ABHD2: variants seen among roughly 807,000 people sequenced by gnomAD.
The protein encoded by ABHD2 is monoacylglycerol lipase ABHD2.
A neutral mutation model predicts 48.1 loss-of-function variants in ABHD2; 20 were observed. The observed-to-expected ratio is 0.42, with a 90% CI of 0.29 to 0.60. ABHD2 has a LOEUF of 0.60. Ranked by LOEUF, ABHD2 falls within the 20% of genes least tolerant of loss-of-function variation. The pLI is 0.24. For synonymous variants in ABHD2, 209 were observed against 214.2 expected (o/e 0.98, Z 0.21); for missense variants, 405 against 550.9 (o/e 0.74, Z 2.65).
intron 6 of ABHD2, among the ~76,000 whole-genome samples, chr15:89,183,664 G>A (rs2051158905): frequency 4.3e-5 from 6 of 138,948 alleles, no homozygotes; most frequent in Admixed American, 2.1e-4. Flanking sequence ...AGCAGTGCCT[G>A]TGGTGTTTTC....
At chr15:89,099,652 G>C (rs765528506) in intron 1 of ABHD2, among the ~76,000 whole-genome samples, 7 of 151,368 alleles carry the variant, frequency 4.6e-5, no homozygotes, top group Non-Finnish European at 7.4e-5. Flanking sequence ...GGGTGCAGTA[G>C]CTCATACCTG....
At chr15:89,126,454 A>G (rs7178898) in intron 3 of ABHD2, among the ~76,000 whole-genome samples, 20,076 of 152,160 alleles carry the variant, frequency 0.13, 3,410 homozygotes, top group African/African-American at 0.4. Context: ...TTTTCTAGAA[A>G]GTCTCGAATT....
chr15:89,153,912 A>G (rs922538056), intron 4 of ABHD2, among the ~76,000 whole-genome samples: 1 of 152,228 alleles, frequency 6.6e-6, no homozygotes, highest in African/African-American at 2.4e-5. Flanking sequence ...ACACAATTTT[A>G]ATAATTGCTT....
chr15:89,087,022 A>G (rs1901376454), upstream of ABHD2: 1 of 152,134 alleles, frequency 6.6e-6, no homozygotes, highest in Non-Finnish European at 1.5e-5. This position sits in a 1 kb window ranked among gnomAD's most constrained non-coding sequence, Gnocchi z 5.5. Flanking sequence ...CTGATGTACC[A>G]TGGCTGTGAG....
At chr15:89,044,055 T>C in the ABHD2 span, among the ~76,000 whole-genome samples, 1 of 152,024 alleles carries the variant, frequency 6.6e-6, no homozygotes, top group Non-Finnish European at 1.5e-5. Context: ...CCTCCCCACT[T>C]CCCCCAACCC....
chr15:89,116,477 G>A lies in ABHD2; in HGVS notation c.150G>A (p.Gly50=), dbSNP rs749187761. 13 of 1,614,092 alleles carry A rather than the reference G, an allele frequency of 8.1e-6. No homozygotes were observed. The highest frequency in any genetic ancestry group is 1.1e-5 in the South Asian group (1 of 91,086). ...APPDLYFQDS[G]LSRFLLKSCP... is the part of the protein sequence containing the mutation. ...CTGACCTCTACTTCCAGGACTCGGGGCTCTCACGCTTTCTGCTCAAGTCCT... is the reference window on the plus strand; with the variant it reads ...CTGACCTCTACTTCCAGGACTCGGGACTCTCACGCTTTCTGCTCAAGTCCT... The change falls in exon 3 of 11, where the codon GGG becomes GGA. Residue 50 remains glycine, a synonymous_variant. Coordinates refer to ENST00000352732, the MANE Select transcript of ABHD2 (RefSeq NM_152924.5). This position sits in a 1 kb window ranked among gnomAD's most constrained non-coding sequence, Gnocchi z 4.6.
rs2051191618 is a variant in ABHD2 at position 89,185,489 on chromosome 15, A to G, written c.788A>G (p.Asn263Ser). 6.2e-7 allele frequency: 1 copy of G among 1,614,068 alleles called. No individual in the cohort carries two copies. The highest frequency in any genetic ancestry group is 8.5e-7 in the Non-Finnish European group (1 of 1,179,990). Residue 263 changes from asparagine to serine, a missense_variant, in exon 7 of 11, where the codon AAC becomes AGC. Transcript: ENST00000352732. The surrounding 1 kb of genome is among the most constrained non-coding windows in gnomAD (Gnocchi z 5.9). ...TTCTACAACTTCCTCATGGCTGACA[A>G]CATGAAGAAGATCATCCTCTCGCAC... is the stretch of plus-strand genomic sequence containing the variant. ...RRFYNFLMAD[N>S]MKKIILSHRQ...
In ABHD2 at chr15:89,184,275, GAAATTACTTTTATA is replaced by G. The variant is rs2051168378; in HGVS notation, c.723-1132_723-1119del. The stretch of plus-strand genomic sequence containing the variant: ...ATTCTAAAATTGTAGCAGCTTTGGG[GAAATTACTTTTATA>G]AAATTACTTTTATAAACTCCCTGGA... On this transcript the variant is annotated intron_variant, in intron 6 of 10. Coordinates refer to ENST00000352732, the MANE Select transcript of ABHD2 (RefSeq NM_152924.5). This position sits in a 1 kb window ranked among gnomAD's most constrained non-coding sequence, Gnocchi z 5.1. Among the ~76,000 whole-genome samples the G allele has an allele frequency of 2.6e-5, 4 of 152,090 alleles. No homozygotes were observed. Among genetic ancestry groups the G allele is most frequent in the South Asian group, 4.1e-4 (2 of 4,822 alleles).
chr15:89,050,068 A>G, the ABHD2 span, among the ~76,000 whole-genome samples: 1 of 152,244 alleles, frequency 6.6e-6, no homozygotes, highest in East Asian at 1.9e-4. Context: ...CTGAGGTAGA[A>G]AGAATTTCAT....
At chr15:89,141,752 T>C (rs909640891) in intron 3 of ABHD2, among the ~76,000 whole-genome samples, 5 of 152,214 alleles carry the variant, frequency 3.3e-5, no homozygotes, top group African/African-American at 7.2e-5. Flanking sequence ...TTCTCCTGTT[T>C]AGTGCCAGCT....
intron 6 of ABHD2, chr15:89,183,380 A>ATATATAT (rs1198026419): frequency 1.3e-3 from 73 of 58,320 alleles, no homozygotes; most frequent in African/African-American, 4.5e-3. Flanking sequence ...AAAAAAAAAA[A>ATATATAT]AAAAATATAT....
At chr15:89,118,339 A>G (rs2049994946) in intron 3 of ABHD2, among the ~76,000 whole-genome samples, 1 of 151,910 alleles carries the variant, frequency 6.6e-6, no homozygotes, top group Non-Finnish European at 1.5e-5. Context: ...CACCACGCCC[A>G]GCTAATTTTT....
At chr15:89,183,197 G>C (rs1050211301) in intron 6 of ABHD2, 1 of 151,136 alleles carries the variant, frequency 6.6e-6, no homozygotes, top group Non-Finnish European at 1.5e-5. Flanking sequence ...TGGAAGTGCT[G>C]TTTGTTTGTT....
chr15:89,061,440 A>T, the ABHD2 span, among the ~76,000 whole-genome samples: 1 of 152,060 alleles, frequency 6.6e-6, no homozygotes, highest in Non-Finnish European at 1.5e-5. Context: ...GAAAAAGAAA[A>T]ACTACCTACT....
At chr15:89,187,053 G>T (rs1297047666) in intron 7 of ABHD2, among the ~76,000 whole-genome samples, 1 of 152,258 alleles carries the variant, frequency 6.6e-6, no homozygotes, top group Non-Finnish European at 1.5e-5. Flanking sequence ...GGTGCGTGTA[G>T]CTCAGCTGAG....
chr15:89,044,158 GT>G, the ABHD2 span, among the ~76,000 whole-genome samples: 2 of 152,046 alleles, frequency 1.3e-5, no homozygotes, highest in African/African-American at 4.8e-5. Flanking sequence ...GCAGAGTTTG[GT>G]TTTTTGTTCT....
At chr15:89,181,482 A>G (rs1316710904) in intron 6 of ABHD2, among the ~76,000 whole-genome samples, 1 of 152,036 alleles carries the variant, frequency 6.6e-6, no homozygotes, top group Admixed American at 6.6e-5. Flanking sequence ...CCATTAATTC[A>G]TCTCCAATCT....
At chr15:89,052,578 C>CACACACAG in the ABHD2 span, among the ~76,000 whole-genome samples, 2 of 151,472 alleles carry the variant, frequency 1.3e-5, no homozygotes, top group African/African-American at 4.9e-5. Context: ...CACACACACA[C>CACACACAG]ACGACACACA....
chr15:89,086,527 G>C (rs1309594370), upstream of ABHD2, among the ~76,000 whole-genome samples: 1 of 152,150 alleles, frequency 6.6e-6, no homozygotes, highest in Non-Finnish European at 1.5e-5. Flanking sequence ...CAACCCTCCT[G>C]CCTCAGCCTC....
Sources: gnomAD v4.1 joint callset for allele counts (sites outside exome capture counted in the v4.1 genomes callset) on GRCh38, gnomAD v4.1.1 for gene constraint, Gnocchi (gnomAD v3.1) non-coding constraint, MANE v1.5 for transcripts, NCBI Gene and HGNC (gene_info 2026-07-23, HGNC 2026-07-21) for gene names.